ADAM23: variants seen among roughly 807,000 people sequenced by gnomAD.
ADAM23 encodes the protein disintegrin and metalloproteinase domain-containing protein 23.
ADAM23 carries 33 observed loss-of-function variants against 120.1 expected under a neutral mutation model. The observed-to-expected ratio is 0.27, with a 90% CI of 0.21 to 0.37. The LOEUF (loss-of-function observed/expected upper bound fraction) is 0.37. Ranked by LOEUF, ADAM23 falls within the 10% of genes least tolerant of loss-of-function variation. ADAM23 has a pLI of 1.00. For missense variants in ADAM23, 862 were observed against 1,058.2 expected (o/e 0.81, Z 2.57); for synonymous variants, 367 against 375.2 (o/e 0.98, Z 0.25).
intron 4 of ADAM23, among the ~76,000 whole-genome samples, chr2:206,538,658 G>A (rs955590285): frequency 1.3e-5 from 2 of 152,044 alleles, no homozygotes; most frequent in Admixed American, 1.3e-4. Context: ...CCATGCAGAT[G>A]GAATAATTAG....
At chr2:206,519,396 AGTT>A in intron 3 of ADAM23, among the ~76,000 whole-genome samples, 1 of 152,186 alleles carries the variant, frequency 6.6e-6, no homozygotes, top group South Asian at 2.1e-4. Context: ...TAGAGAAATT[AGTT>A]GTGATTTAGG....
intron 14 of ADAM23, 85 bp downstream of exon 14, chr2:206,565,153 G>T: frequency 8.3e-7 from 1 of 1,199,538 alleles, no homozygotes; most frequent in South Asian, 1.3e-5. Flanking sequence ...CTCGGGTATT[G>T]GTCTTTTAGG....
At chr2:206,583,394 C>T (rs1294455158) in intron 18 of ADAM23, among the ~76,000 whole-genome samples, 2 of 150,340 alleles carry the variant, frequency 1.3e-5, no homozygotes, top group African/African-American at 2.5e-5. Context: ...GCGGAGGTTG[C>T]AGTGAGCCGA....
At chr2:206,530,852 T>C (rs770399346) in intron 3 of ADAM23, 33 bp from the exon 4 acceptor site, 13 of 1,595,572 alleles carry the variant, frequency 8.1e-6, no homozygotes, top group Non-Finnish European at 1.1e-5. Context: ...GTGTCTTAGA[T>C]GCAGAAATCA....
At chr2:206,609,635 A>G (rs1474843777) in intron 24 of ADAM23, 1 of 370,090 alleles carries the variant, frequency 2.7e-6, no homozygotes, top group Non-Finnish European at 4.8e-6. Flanking sequence ...AAAGACAGCA[A>G]GTGGGGCCTA....
intron 24 of ADAM23, among the ~76,000 whole-genome samples, chr2:206,597,205 A>T (rs1281179572): frequency 5.1e-5 from 7 of 136,304 alleles, no homozygotes; most frequent in Non-Finnish European, 1.1e-4. Context: ...TTTGAGACAG[A>T]GTCCGACTCT....
chr2:206,576,081 T>C (rs1328201359), intron 18 of ADAM23, among the ~76,000 whole-genome samples: 1 of 152,234 alleles, frequency 6.6e-6, no homozygotes, highest in Non-Finnish European at 1.5e-5. Flanking sequence ...ATGATTTTTA[T>C]GCATATCTGT....
chr2:206,585,547 A>T (rs1389491433), intron 18 of ADAM23, among the ~76,000 whole-genome samples: 1 of 152,218 alleles, frequency 6.6e-6, no homozygotes, highest in Non-Finnish European at 1.5e-5. Context: ...TAGTTCTGTT[A>T]TCTTTCTGTG....
chr2:206,500,216 A>C (rs1187281453), intron 3 of ADAM23, among the ~76,000 whole-genome samples: 2 of 152,104 alleles, frequency 1.3e-5, no homozygotes, highest in Non-Finnish European at 2.9e-5. Flanking sequence ...GTTGCATTAG[A>C]TCTATTGTCA....
In ADAM23 at chr2:206,585,822, G is replaced by GA. The variant is rs371480664; in HGVS notation, c.1738-1494dup. 1.2e-3 allele frequency among the ~76,000 whole-genome samples: 179 copies of GA among 144,704 alleles called. 1 individual carries two copies. Among genetic ancestry groups the GA allele is most frequent in the Middle Eastern group, 3.5e-3 (1 of 288 alleles). The allele number at this position is 144,704 out of a possible 152,430, so 94.9% of individuals were successfully genotyped here. On this transcript the variant is annotated intron_variant, in intron 18 of 25. Transcript: ENST00000264377. ...AGTTGGTGATAAGTGCTTTGGAAAA[G>GA]AAAAAAAAACAAAGAAAAAAACTTG...
chr2:206,463,378 A>T (rs1695467188), intron 2 of ADAM23, among the ~76,000 whole-genome samples: 1 of 152,178 alleles, frequency 6.6e-6, no homozygotes. Flanking sequence ...AAGGTGGAAA[A>T]GATTAGGAAA....
chr2:206,495,441 A>G lies in ADAM23; in HGVS notation c.509+14133A>G, dbSNP rs542870268. Among the ~76,000 whole-genome samples the G allele has an allele frequency of 1.1e-3, 163 of 152,098 alleles. 1 individual carries two copies. Among genetic ancestry groups the G allele is most frequent in the African/African-American group, 3.8e-3 (156 of 41,490 alleles). On this transcript the variant is annotated intron_variant, in intron 3 of 25. Transcript: ENST00000264377. The stretch of plus-strand genomic sequence containing the variant: ...GGAGAAATAAAATCCTTTACAGACA[A>G]GCAAATGCTGAGAGATTTCGTCACC...
intron 20 of ADAM23, among the ~76,000 whole-genome samples, chr2:206,588,983 C>T (rs58847386): frequency 0.11 from 16,804 of 152,186 alleles, 1,280 homozygotes; most frequent in African/African-American, 0.21. Context: ...CAATAGGCTA[C>T]GACTTTATAA....
At chr2:206,590,806 G>T (rs1351420058) in intron 21 of ADAM23, among the ~76,000 whole-genome samples, 2 of 152,150 alleles carry the variant, frequency 1.3e-5, no homozygotes, top group Non-Finnish European at 2.9e-5. Context: ...AGGAGCAAGG[G>T]GAGCCTGAAG....
At chr2:206,607,566 C>T (rs1003987389) in intron 24 of ADAM23, among the ~76,000 whole-genome samples, 17 of 152,194 alleles carry the variant, frequency 1.1e-4, no homozygotes, top group African/African-American at 4.1e-4. Context: ...AAAACATAGT[C>T]CTTGTTATCA....
intron 4 of ADAM23, among the ~76,000 whole-genome samples, chr2:206,540,918 T>C (rs1169003957): frequency 6.8e-6 from 1 of 146,882 alleles, no homozygotes; most frequent in Non-Finnish European, 1.5e-5. Context: ...ATAAAAATTA[T>C]TATTTTTATT....
At position 206,493,448 on chromosome 2, in the gene ADAM23, C is replaced by T. The variant is rs183909724; in HGVS notation, c.509+12140C>T. Reference sequence around the variant, plus strand: ...AGTGCAGTGGCGCGATCTCGGCTCACTGCAACCTCTACCTCCCAGGTTCAA... The same window carrying T: ...AGTGCAGTGGCGCGATCTCGGCTCATTGCAACCTCTACCTCCCAGGTTCAA... On this transcript the variant is annotated intron_variant, in intron 3 of 25. Transcript: ENST00000264377. 3.2e-3 allele frequency among the ~76,000 whole-genome samples: 488 copies of T among 152,356 alleles called. 5 individuals carry two copies. The highest frequency in any genetic ancestry group is 0.011 in the African/African-American group (465 of 41,584).
intron 24 of ADAM23, among the ~76,000 whole-genome samples, chr2:206,596,470 G>A (rs1177868110): frequency 6.6e-6 from 1 of 152,096 alleles, no homozygotes; most frequent in African/African-American, 2.4e-5. Context: ...TTATTTTGCA[G>A]TTCGTCTAAG....
At chr2:206,555,689 G>A (rs1014292895) in intron 9 of ADAM23, among the ~76,000 whole-genome samples, 5 of 151,784 alleles carry the variant, frequency 3.3e-5, no homozygotes, top group East Asian at 3.9e-4. Flanking sequence ...CATGTTTTCC[G>A]TGATCATTAT....
Sources: gnomAD v4.1 joint callset for allele counts (sites outside exome capture counted in the v4.1 genomes callset) on GRCh38, gnomAD v4.1.1 for gene constraint, MANE v1.5 for transcripts, NCBI Gene and HGNC (gene_info 2026-07-23, HGNC 2026-07-21) for gene names.